FHIT: variants seen among roughly 807,000 people sequenced by gnomAD.
FHIT encodes the protein bis(5'-adenosyl)-triphosphatase.
FHIT carries 19 observed loss-of-function variants against 17.9 expected under a neutral mutation model. That is an observed-to-expected ratio of 1.06 (90% CI 0.74 to 1.56). FHIT has a LOEUF of 1.56. Among genes scored for constraint, FHIT ranks in the 40% most tolerant of loss-of-function variants. The pLI is 0.00. For synonymous variants in FHIT, 81 were observed against 69.7 expected, an observed-to-expected ratio of 1.16 and a Z score of -0.81; for missense variants, 248 against 189.2, an observed-to-expected ratio of 1.31 and a Z score of -1.82.
At chr3:59,885,290 T>C (rs1474016547) in intron 8 of FHIT, among the ~76,000 whole-genome samples, 2 of 150,716 alleles carry the variant, frequency 1.3e-5, no homozygotes, top group African/African-American at 2.4e-5. Context: ...ACTGAAAATA[T>C]TGCTGAAGAA....
intron 3 of FHIT, among the ~76,000 whole-genome samples, chr3:60,944,937 C>T (rs1246088603): frequency 1.3e-5 from 2 of 152,122 alleles, no homozygotes; most frequent in Admixed American, 6.5e-5. Context: ...ACTAAGGATA[C>T]AGAAGTCATA....
chr3:60,259,962 C>T (rs1156709259), intron 5 of FHIT, among the ~76,000 whole-genome samples: 1 of 151,978 alleles, frequency 6.6e-6, no homozygotes, highest in African/African-American at 2.4e-5. Context: ...ATGGATACCC[C>T]TGTACCACTG....
chr3:60,952,159 C>T (rs62267334), intron 3 of FHIT, among the ~76,000 whole-genome samples: 31,142 of 143,140 alleles, frequency 0.22, 3,942 homozygotes, highest in South Asian at 0.27. Flanking sequence ...AGCAAAACTC[C>T]GTCCTCCCCA....
chr3:61,008,901 G>A (rs962646562), intron 3 of FHIT, among the ~76,000 whole-genome samples: 10 of 151,928 alleles, frequency 6.6e-5, no homozygotes, highest in Admixed American at 5.2e-4. Context: ...TGGGCTTTTT[G>A]TGTGTGTGTG....
intron 5 of FHIT, among the ~76,000 whole-genome samples, chr3:60,371,842 G>GTTT (rs10576261): frequency 2.8e-5 from 4 of 143,034 alleles, no homozygotes; most frequent in African/African-American, 1.0e-4. Flanking sequence ...TTTTTGTGGG[G>GTTT]TTTTTTTTTT....
chr3:60,287,736 G>T (rs559676641), intron 5 of FHIT, among the ~76,000 whole-genome samples: 1 of 152,052 alleles, frequency 6.6e-6, no homozygotes, highest in East Asian at 1.9e-4. Flanking sequence ...GACAAAGAAG[G>T]AAAAGGAAAA....
chr3:61,069,495 C>A (rs2034729779), intron 2 of FHIT, among the ~76,000 whole-genome samples: 1 of 152,116 alleles, frequency 6.6e-6, no homozygotes, highest in East Asian at 1.9e-4. Flanking sequence ...TAGGTGATAA[C>A]CCTGTTTTCC....
chr3:60,708,041 T>C (rs1169595204), intron 4 of FHIT, among the ~76,000 whole-genome samples: 1 of 152,254 alleles, frequency 6.6e-6, no homozygotes, highest in Non-Finnish European at 1.5e-5. Context: ...AATGCTCCAG[T>C]GAACATCTTC....
intron 5 of FHIT, among the ~76,000 whole-genome samples, chr3:60,433,454 G>A (rs1230991939): frequency 6.6e-6 from 1 of 152,054 alleles, no homozygotes; most frequent in African/African-American, 2.4e-5. Flanking sequence ...GCTAGATCAT[G>A]GGGTAAATCT....
intron 3 of FHIT, among the ~76,000 whole-genome samples, chr3:61,040,565 G>A (rs1255320714): frequency 6.6e-6 from 1 of 151,994 alleles, no homozygotes; most frequent in Non-Finnish European, 1.5e-5. Context: ...TAATATTTTG[G>A]CATGTTTGAA....
chr3:59,953,090 T>C (rs1386434690), intron 7 of FHIT, among the ~76,000 whole-genome samples: 1 of 152,056 alleles, frequency 6.6e-6, no homozygotes. Context: ...TGTCTGTCTT[T>C]ATGTACGTAT....
chr3:60,614,496 C>G (rs2038879963), intron 4 of FHIT, among the ~76,000 whole-genome samples: 1 of 152,096 alleles, frequency 6.6e-6, no homozygotes, highest in Non-Finnish European at 1.5e-5. Flanking sequence ...CCCAACTACT[C>G]AGAAGCCTAA....
At chr3:60,061,709 ATTAATT>A (rs1702302044) in intron 5 of FHIT, among the ~76,000 whole-genome samples, 1 of 152,234 alleles carries the variant, frequency 6.6e-6, no homozygotes, top group African/African-American at 2.4e-5. Flanking sequence ...TGCTCAAAAC[ATTAATT>A]TTAAACAAAC....
intron 7 of FHIT, among the ~76,000 whole-genome samples, chr3:60,002,886 C>T (rs1699781885): frequency 6.6e-6 from 1 of 152,080 alleles, no homozygotes; most frequent in Non-Finnish European, 1.5e-5. Flanking sequence ...TAAAAATAAA[C>T]AAATGAAATT....
At chr3:59,953,056 A>G (rs1427259122) in intron 7 of FHIT, among the ~76,000 whole-genome samples, 1 of 151,090 alleles carries the variant, frequency 6.6e-6, no homozygotes, top group Non-Finnish European at 1.5e-5. Context: ...TTCTCTCTGA[A>G]TCTCGGTCCC....
intron 5 of FHIT, among the ~76,000 whole-genome samples, chr3:60,344,839 A>T (rs1178773197): frequency 6.6e-6 from 1 of 152,020 alleles, no homozygotes; most frequent in Admixed American, 6.6e-5. Flanking sequence ...TTTATTAGCC[A>T]AGATATCATA....
intron 5 of FHIT, among the ~76,000 whole-genome samples, chr3:60,118,602 C>T (rs190509887): frequency 4.1e-4 from 62 of 152,062 alleles, no homozygotes; most frequent in African/African-American, 1.3e-3. Flanking sequence ...TAAAGTGACT[C>T]GCCCAAGGTC....
chr3:59,970,248 G>T (rs987804017), intron 7 of FHIT, among the ~76,000 whole-genome samples: 1 of 152,102 alleles, frequency 6.6e-6, no homozygotes, highest in Admixed American at 6.6e-5. Flanking sequence ...CTTTAAGGGG[G>T]AAAATATGAG....
intron 8 of FHIT, among the ~76,000 whole-genome samples, chr3:59,875,953 A>AAG (rs1311257169): frequency 7.9e-6 from 1 of 126,118 alleles, no homozygotes; most frequent in Non-Finnish European, 1.7e-5. Context: ...AAAGAAAAAA[A>AAG]AAAGAAAAAA....
Sources: allele counts gnomAD v4.1 joint callset (sites outside exome capture counted in the v4.1 genomes callset), GRCh38; gene constraint gnomAD v4.1.1; transcripts MANE v1.5; gene names NCBI Gene and HGNC (gene_info 2026-07-23, HGNC 2026-07-21).